The following USP54 variants were observed in gnomAD, a reference collection of about 807,000 sequenced individuals.
USP54 encodes the protein ubiquitin carboxyl-terminal hydrolase 54.
Under a neutral mutation model 170.5 loss-of-function variants are expected in USP54, and 87 were observed. That is an observed-to-expected ratio of 0.51 (90% CI 0.43 to 0.61). The LOEUF (loss-of-function observed/expected upper bound fraction) is 0.61, where lower values mean the gene tolerates loss of function less well. Ranked by LOEUF, USP54 falls within the 20% of genes least tolerant of loss-of-function variation. The pLI is 0.00. For synonymous variants in USP54, 655 were observed against 742.8 expected, an observed-to-expected ratio of 0.88 and a Z score of 1.92; for missense variants, 1,786 against 2,047.8, an observed-to-expected ratio of 0.87 and a Z score of 2.47.
chr10:73,571,137 C>CAAAA (rs59126730), intron 4 of USP54, among the ~76,000 whole-genome samples: 5 of 44,320 alleles, frequency 1.1e-4, no homozygotes, highest in East Asian at 5.4e-4. Flanking sequence ...GACTTCATCC[C>CAAAA]AAAAAAAAAA....
At chr10:73,539,691 G>T in intron 9 of USP54, 98 bp from the exon 10 acceptor site, 1 of 1,298,226 alleles carries the variant, frequency 7.7e-7, no homozygotes, top group Non-Finnish European at 1.0e-6. Flanking sequence ...GTAAGGTACT[G>T]ACTTGCTTCT....
intron 4 of USP54, among the ~76,000 whole-genome samples, chr10:73,565,727 A>G (rs933224663): frequency 5.9e-5 from 9 of 152,206 alleles, no homozygotes; most frequent in Non-Finnish European, 1.0e-4. Context: ...GAAGACATAC[A>G]TATTCTATGA....
chr10:73,541,370 C>A lies in USP54; in HGVS notation c.825+5G>T. 6.2e-7 allele frequency: 1 copy of A among 1,613,912 alleles called. No homozygotes were observed. The highest frequency in any genetic ancestry group is 8.5e-7 in the Non-Finnish European group (1 of 1,179,938). ...AAGTGAGAGATAAAGGTAACTAACA[C>A]GCACATCACCCAGCTTAAGGCAGGT... On this transcript the variant is annotated splice_donor_5th_base_variant and intron_variant, in intron 9 of 23. Coordinates refer to ENST00000687698, the MANE Select transcript of USP54 (RefSeq NM_001391956.1).
intron 3 of USP54, 69 bp downstream of exon 3, chr10:73,575,443 G>C (rs2075989896): frequency 1.4e-6 from 2 of 1,451,552 alleles, no homozygotes; most frequent in African/African-American, 1.4e-5. Context: ...TATTTAAAAA[G>C]AGTTATCAGA....
chr10:73,595,980 G>A (rs572184610), upstream of USP54, among the ~76,000 whole-genome samples: 13 of 150,840 alleles, frequency 8.6e-5, no homozygotes, highest in South Asian at 1.3e-3. Context: ...GCATGGTGGC[G>A]TGTGCCTGTA....
chr10:73,503,448 CTTAT>C (rs941729693), intron 22 of USP54, among the ~76,000 whole-genome samples: 1 of 152,134 alleles, frequency 6.6e-6, no homozygotes, highest in African/African-American at 2.4e-5. Flanking sequence ...TCAATAAGCA[CTTAT>C]TTATTTGTTT....
chr10:73,584,119 G>A (rs1308380445), intron 1 of USP54, among the ~76,000 whole-genome samples: 3 of 152,348 alleles, frequency 2.0e-5, no homozygotes, highest in Non-Finnish European at 4.4e-5. Context: ...AACGGGCACA[G>A]TGGCTCACGC....
chr10:73,603,762 C>CAA (rs377361450), intron 1 of USP54, among the ~76,000 whole-genome samples: 2 of 137,200 alleles, frequency 1.5e-5, no homozygotes. Context: ...ACAAAAACAA[C>CAA]AAAAAAAAAA....
chr10:73,531,068 C>T (rs1342958271), intron 12 of USP54, among the ~76,000 whole-genome samples: 2 of 152,046 alleles, frequency 1.3e-5, no homozygotes, highest in East Asian at 1.9e-4. Flanking sequence ...GAGGCTAAGG[C>T]GGGCAGATCA....
At chr10:73,509,778 C>T (rs1421293364) in intron 20 of USP54, among the ~76,000 whole-genome samples, 6 of 152,010 alleles carry the variant, frequency 3.9e-5, no homozygotes, top group Admixed American at 6.6e-5. Flanking sequence ...GTGGTTGAGG[C>T]GGGTAAACTA....
At chr10:73,598,381 T>G (rs2078897852) in intron 1 of USP54, among the ~76,000 whole-genome samples, 1 of 152,140 alleles carries the variant, frequency 6.6e-6, no homozygotes, top group Admixed American at 6.6e-5. Flanking sequence ...ACTATAAAAC[T>G]TTTAGAAGAA....
intron 1 of USP54, among the ~76,000 whole-genome samples, chr10:73,608,460 G>C (rs2079859374): frequency 6.6e-6 from 1 of 152,066 alleles, no homozygotes; most frequent in South Asian, 2.1e-4. Flanking sequence ...GCTCAAGGAA[G>C]GGAAAAAGAA....
intron 4 of USP54, among the ~76,000 whole-genome samples, chr10:73,557,774 G>A (rs914296925): frequency 2.6e-5 from 4 of 150,984 alleles, no homozygotes; most frequent in Non-Finnish European, 5.9e-5. Context: ...GCCTGAGGAA[G>A]TTTTATTCTC....
chr10:73,550,861 C>A (rs1334741308), intron 4 of USP54, among the ~76,000 whole-genome samples: 1 of 152,144 alleles, frequency 6.6e-6, no homozygotes, highest in Non-Finnish European at 1.5e-5. Context: ...AATCCCAGCA[C>A]TTTGGGAGGC....
At chr10:73,556,468 C>A in intron 4 of USP54, among the ~76,000 whole-genome samples, 1 of 151,654 alleles carries the variant, frequency 6.6e-6, no homozygotes, top group Admixed American at 6.6e-5. Context: ...GCCTCAGCCT[C>A]CCAAGTAGCT....
chr10:73,517,764 G>A lies in USP54; in HGVS notation c.2679-17C>T, dbSNP rs773175681. ...GGCTGTTCACTGAAACAAATGGAGA[G>A]AGCTAGTCATAAGCTGCCTTGACTG... On this transcript the variant is annotated splice_polypyrimidine_tract_variant and intron_variant, in intron 19 of 23. Transcript: ENST00000687698. 6.3e-7 allele frequency: 1 copy of A among 1,595,346 alleles called. No individual in the cohort carries two copies. Among genetic ancestry groups the A allele is most frequent in the Admixed American group, 1.7e-5 (1 of 58,302 alleles).
chr10:73,583,914 A>G (rs2077179094), intron 1 of USP54, among the ~76,000 whole-genome samples: 1 of 152,206 alleles, frequency 6.6e-6, no homozygotes, highest in South Asian at 2.1e-4. Flanking sequence ...GTTATATAAG[A>G]TGGTATCATT....
intron 4 of USP54, among the ~76,000 whole-genome samples, chr10:73,558,143 G>C (rs1307157418): frequency 1.3e-5 from 2 of 152,098 alleles, no homozygotes; most frequent in African/African-American, 2.4e-5. Flanking sequence ...GCCCCACAAA[G>C]TGCTGGAATT....
intron 1 of USP54, among the ~76,000 whole-genome samples, chr10:73,608,070 G>T (rs1443519905): frequency 6.6e-6 from 1 of 151,990 alleles, no homozygotes; most frequent in Non-Finnish European, 1.5e-5. Context: ...GACCAGCCTG[G>T]GCAATATGGT....
Sources: gnomAD v4.1 joint callset for allele counts (sites outside exome capture counted in the v4.1 genomes callset) on GRCh38, gnomAD v4.1.1 for gene constraint, MANE v1.5 for transcripts, NCBI Gene and HGNC (gene_info 2026-07-23, HGNC 2026-07-21) for gene names.